DCBLD2: variants seen among roughly 807,000 people sequenced by gnomAD.
DCBLD2 encodes the protein discoidin, CUB and LCCL domain-containing protein 2.
In DCBLD2, 54 loss-of-function variants were observed where a neutral mutation model predicts 86.8. That is an observed-to-expected ratio of 0.62 (90% CI 0.50 to 0.78). The LOEUF (loss-of-function observed/expected upper bound fraction) is 0.78. Among genes scored for constraint, DCBLD2 ranks in the 30% least tolerant of loss-of-function variants. The pLI is 0.00. For missense variants in DCBLD2, 908 were observed against 954.2 expected (o/e 0.95, Z 0.64); for synonymous variants, 354 against 341.3 (o/e 1.04, Z -0.41).
chr3:98,870,909 T>C lies in DCBLD2; in HGVS notation c.433+10631A>G, dbSNP rs72936657. Among the ~76,000 whole-genome samples the C allele has an allele frequency of 6.3e-3, 960 of 152,186 alleles. 10 individuals are homozygous for C. The highest frequency in any genetic ancestry group is 0.022 in the African/African-American group (905 of 41,554). ...ATTTTCACAATATTGATTCTTTTAA[T>C]TCATGAACATAGGAGGTTTTCTATT... On this transcript the variant is annotated intron_variant, in intron 2 of 15. Coordinates refer to ENST00000326840, the MANE Select transcript of DCBLD2 (RefSeq NM_080927.4).
chr3:98,859,445 C>G (rs1251624232), intron 2 of DCBLD2, among the ~76,000 whole-genome samples: 2 of 152,190 alleles, frequency 1.3e-5, no homozygotes, highest in Non-Finnish European at 2.9e-5. Context: ...GGTCCCTGAC[C>G]CCCAAGTAGC....
chr3:98,827,798 A>G (rs972118750), intron 3 of DCBLD2, among the ~76,000 whole-genome samples: 2 of 152,212 alleles, frequency 1.3e-5, no homozygotes, highest in African/African-American at 2.4e-5. Context: ...CATTACTACA[A>G]TGCTCCCAGC....
intron 2 of DCBLD2, among the ~76,000 whole-genome samples, chr3:98,854,974 A>T (rs1048732791): frequency 6.6e-6 from 1 of 152,236 alleles, no homozygotes; most frequent in Non-Finnish European, 1.5e-5. Flanking sequence ...TACAAAAAGT[A>T]CTAACCATAA....
At chr3:98,852,973 A>G (rs145915442) in intron 2 of DCBLD2, among the ~76,000 whole-genome samples, 1 of 152,224 alleles carries the variant, frequency 6.6e-6, no homozygotes, top group Non-Finnish European at 1.5e-5. Flanking sequence ...CAGAGAATTC[A>G]GTCATGCCAT....
At chr3:98,827,326 A>G (rs1942241435) in intron 3 of DCBLD2, among the ~76,000 whole-genome samples, 1 of 152,216 alleles carries the variant, frequency 6.6e-6, no homozygotes, top group South Asian at 2.1e-4. Flanking sequence ...CCGACTTCTA[A>G]GATTAGAAGT....
chr3:98,885,968 G>C (rs918525934), intron 1 of DCBLD2, among the ~76,000 whole-genome samples: 2 of 151,628 alleles, frequency 1.3e-5, no homozygotes, highest in African/African-American at 4.8e-5. Flanking sequence ...TCAGAACAAA[G>C]AATGATCAAC....
At chr3:98,849,713 G>T in intron 2 of DCBLD2, 115 bp from the exon 3 acceptor site, 2 of 1,132,156 alleles carry the variant, frequency 1.8e-6, no homozygotes, top group Non-Finnish European at 2.5e-6. Flanking sequence ...AATTAGTATG[G>T]AATAATGACT....
intron 13 of DCBLD2, chr3:98,805,112 A>C (rs1023368245): frequency 3.9e-5 from 6 of 152,296 alleles, no homozygotes; most frequent in African/African-American, 1.4e-4. Flanking sequence ...TAAAAAGCCC[A>C]AGCCATGTGC....
chr3:98,882,787 T>C (rs1000867153), intron 1 of DCBLD2, among the ~76,000 whole-genome samples: 1 of 152,192 alleles, frequency 6.6e-6, no homozygotes, highest in Non-Finnish European at 1.5e-5. Flanking sequence ...TTCCATGGTG[T>C]ATATGTGCCA....
chr3:98,898,033 A>C (rs1000974642), intron 1 of DCBLD2, among the ~76,000 whole-genome samples: 2 of 152,146 alleles, frequency 1.3e-5, no homozygotes, highest in Admixed American at 6.5e-5. Flanking sequence ...TTTTACAGAA[A>C]AAAAGTCTTC....
At chr3:98,844,549 G>C (rs1270741788) in intron 3 of DCBLD2, among the ~76,000 whole-genome samples, 1 of 152,010 alleles carries the variant, frequency 6.6e-6, no homozygotes, top group Non-Finnish European at 1.5e-5. Flanking sequence ...TTTTAGTAAA[G>C]ACAGGTTTTC....
intron 2 of DCBLD2, among the ~76,000 whole-genome samples, chr3:98,870,785 GAAAGAAAGAAAGAAAGAAAGAAAGA>G (rs1943262472): frequency 2.0e-5 from 3 of 150,654 alleles, no homozygotes; most frequent in Middle Eastern, 3.4e-3. Flanking sequence ...AAGAAAGAAA[GAAAGAAAGAAAGAAAGAAAGAAAGA>G]AAGGTAGGCA....
At chr3:98,860,412 C>T (rs1424540805) in intron 2 of DCBLD2, among the ~76,000 whole-genome samples, 1 of 151,994 alleles carries the variant, frequency 6.6e-6, no homozygotes, top group African/African-American at 2.4e-5. Context: ...AACTTCATGA[C>T]ACATAATTGT....
chr3:98,901,443 C>G lies in DCBLD2; in HGVS notation c.-117G>C. On this transcript the variant is annotated 5_prime_UTR_variant, in exon 1 of 16. Transcript: ENST00000326840. Reference sequence around the variant, plus strand: ...CGGCGGGAGAACAAGAGGCAGCCCTCGCCTCACCCCGCGCCGGGACCCTTC... The same window carrying G: ...CGGCGGGAGAACAAGAGGCAGCCCTGGCCTCACCCCGCGCCGGGACCCTTC... 1 of 1,045,550 alleles carries G rather than the reference C, an allele frequency of 9.6e-7. No individual in the cohort carries two copies. The highest frequency in any genetic ancestry group is 3.5e-4 in the Middle Eastern group (1 of 2,866). 64.8% of individuals were successfully genotyped at this position (1,045,550 alleles called of 1,614,324 possible).
intron 13 of DCBLD2, chr3:98,801,966 T>G (rs1392775086): frequency 4.7e-6 from 1 of 213,896 alleles, no homozygotes; most frequent in Admixed American, 5.2e-5. Context: ...TCATGGACAT[T>G]TGGGTTGGTT....
At chr3:98,817,737 G>GT (rs917975474) in intron 9 of DCBLD2, 32 bp downstream of exon 9, 3 of 1,607,818 alleles carry the variant, frequency 1.9e-6, no homozygotes, top group African/African-American at 2.7e-5. Context: ...TTTAAAAAAT[G>GT]TTTTTTAAAA....
At chr3:98,837,907 C>T (rs369070403) in intron 3 of DCBLD2, among the ~76,000 whole-genome samples, 8,904 of 68,608 alleles carry the variant, frequency 0.13, 36 homozygotes, top group Non-Finnish European at 0.16. Flanking sequence ...GGCGGCTGGC[C>T]GGGTGGGGGT....
At chr3:98,881,082 G>A (rs377454413) in intron 2 of DCBLD2, among the ~76,000 whole-genome samples, 2 of 151,722 alleles carry the variant, frequency 1.3e-5, no homozygotes, top group African/African-American at 2.4e-5. Flanking sequence ...TGGTGAAACC[G>A]TCTCTACTAA....
intron 13 of DCBLD2, among the ~76,000 whole-genome samples, chr3:98,803,338 G>C (rs903756619): frequency 2.0e-5 from 3 of 151,960 alleles, no homozygotes; most frequent in African/African-American, 7.3e-5. Flanking sequence ...CTCATGATTT[G>C]GCTCTCTGTC....
Sources: gnomAD v4.1 joint callset for allele counts (sites outside exome capture counted in the v4.1 genomes callset) on GRCh38, gnomAD v4.1.1 for gene constraint, MANE v1.5 for transcripts, NCBI Gene and HGNC (gene_info 2026-07-23, HGNC 2026-07-21) for gene names.